Variants in MRPL3 observed in about 807,000 individuals in gnomAD.
MRPL3 encodes large ribosomal subunit protein uL3m.
In MRPL3, 43 loss-of-function variants were observed where a neutral mutation model predicts 44.3. The observed-to-expected ratio is 0.97, with a 90% CI of 0.76 to 1.25. The LOEUF (loss-of-function observed/expected upper bound fraction) is 1.25. Among genes scored for constraint, MRPL3 ranks in the 50% most tolerant of loss-of-function variants. The pLI is 0.00. For synonymous variants in MRPL3, 171 were observed against 152.3 expected (o/e 1.12, Z -0.91); for missense variants, 406 against 427.6 (o/e 0.95, Z 0.45).
intron 6 of MRPL3, among the ~76,000 whole-genome samples, chr3:131,475,133 T>C (rs957513790): frequency 6.6e-6 from 1 of 152,140 alleles, no homozygotes; most frequent in Non-Finnish European, 1.5e-5. Flanking sequence ...TTTTACTAGA[T>C]AATACATCAA....
intron 9 of MRPL3, among the ~76,000 whole-genome samples, chr3:131,465,212 T>C (rs1455619056): frequency 1.3e-5 from 2 of 152,234 alleles, no homozygotes; most frequent in East Asian, 1.9e-4. Flanking sequence ...TCAAAATGTA[T>C]TTAGACTCCC....
chr3:131,496,699 C>T lies in MRPL3; in HGVS notation c.468+1480G>A, dbSNP rs185516881. ...AATGCAACTGCCTTGCTTCTAAAGG[C>T]TCTTATCAACTCTCCCCTGATCTCT... On this transcript the variant is annotated intron_variant, in intron 4 of 9. Transcript: ENST00000264995. Among the ~76,000 whole-genome samples the T allele has an allele frequency of 5.9e-4, 90 of 152,296 alleles. No homozygotes were observed. In the South Asian group the frequency reaches 7.7e-3, roughly 13 times the overall value.
chr3:131,501,415 G>A, intron 2 of MRPL3, 116 bp downstream of exon 2: 1 of 918,838 alleles, frequency 1.1e-6, no homozygotes, highest in South Asian at 1.7e-5. Context: ...AACACACGCA[G>A]CACATGAAAA....
rs764888271 is a variant in MRPL3, at chr3:131,486,578, A to G, written c.629+1102T>C. ...AATCTACCCATCTGACACAGGGCTA[A>G]TATCCAGAATCTACAAAGAACTCAA... On this transcript the variant is annotated intron_variant, in intron 6 of 9. Coordinates refer to ENST00000264995, the MANE Select transcript of MRPL3 (RefSeq NM_007208.4). 3.3e-4 allele frequency among the ~76,000 whole-genome samples: 50 copies of G among 152,128 alleles called. 1 individual carries two copies. The highest frequency in any genetic ancestry group is 3.1e-4 in the Non-Finnish European group (21 of 67,992).
At chr3:131,498,135 C>A (rs1238906992) in intron 4 of MRPL3, 44 bp downstream of exon 4, 2 of 1,272,890 alleles carry the variant, frequency 1.6e-6, no homozygotes. Flanking sequence ...AGATTTGAAA[C>A]TGATGAAAAA....
At chr3:131,489,579 A>C (rs1934202876) in intron 5 of MRPL3, among the ~76,000 whole-genome samples, 1 of 152,110 alleles carries the variant, frequency 6.6e-6, no homozygotes, top group Non-Finnish European at 1.5e-5. Flanking sequence ...TTTAAGTAAG[A>C]ATCTTTACAT....
At chr3:131,490,113 T>A (rs765721596) in intron 4 of MRPL3, 33 bp from the exon 5 acceptor site, 4 of 1,427,790 alleles carry the variant, frequency 2.8e-6, no homozygotes, top group Non-Finnish European at 3.9e-6. Flanking sequence ...AAGTAATACA[T>A]TGAATATTAA....
rs1220829936 is a variant in MRPL3 at position 131,500,491 on chromosome 3, T to C, written c.308A>G (p.Lys103Arg). 3.1e-6 allele frequency: 5 copies of C among 1,613,902 alleles called. No individual in the cohort carries two copies. Among genetic ancestry groups the C allele is most frequent in the Non-Finnish European group, 4.2e-6 (5 of 1,179,880 alleles). Residue 103 changes from lysine to arginine, a missense_variant, in exon 3 of 10, where the codon AAG (lysine) becomes AGG (arginine). By Grantham distance (26) the Lys-to-Arg change is conservative. Transcript: ENST00000264995. ...GSFRVGLIAL[K>R]LGMMPLWTKD... ...GGTCCATAAAGGCATCATGCCCAGC[T>C]TCAAGGCAATAAGACCAACTCTAAA...
chr3:131,470,191 C>G (rs1360463989), intron 7 of MRPL3, among the ~76,000 whole-genome samples: 1 of 152,148 alleles, frequency 6.6e-6, no homozygotes, highest in Non-Finnish European at 1.5e-5. Context: ...AATGGTCCTA[C>G]TGCTCCTTGC....
intron 6 of MRPL3, chr3:131,479,152 C>T (rs747575347): frequency 5.8e-6 from 3 of 518,924 alleles, no homozygotes; most frequent in Admixed American, 3.9e-5. Flanking sequence ...TTAGAGCTGG[C>T]AGGAACTCCA....
At chr3:131,472,082 T>C (rs1933755663) in intron 6 of MRPL3, among the ~76,000 whole-genome samples, 2 of 152,310 alleles carry the variant, frequency 1.3e-5, no homozygotes, top group South Asian at 4.1e-4. Context: ...ATGGGATTTC[T>C]GAGCACAGAA....
chr3:131,479,687 T>C (rs1162829361), intron 6 of MRPL3, among the ~76,000 whole-genome samples: 1 of 151,678 alleles, frequency 6.6e-6, no homozygotes, highest in Non-Finnish European at 1.5e-5. Context: ...CTACTAAAAA[T>C]ACAAAAAAAT....
chr3:131,463,713 TTA>T (rs1933541157), intron 9 of MRPL3, among the ~76,000 whole-genome samples: 1 of 152,176 alleles, frequency 6.6e-6, no homozygotes, highest in South Asian at 2.1e-4. Context: ...AAAATTCTAA[TTA>T]TATCTGTGAA....
chr3:131,487,600 GA>G, intron 6 of MRPL3, 79 bp downstream of exon 6: 1 of 1,090,644 alleles, frequency 9.2e-7, no homozygotes, highest in African/African-American at 1.6e-5. Flanking sequence ...TGACTTGAAA[GA>G]CTGTACTTCT....
intron 6 of MRPL3, among the ~76,000 whole-genome samples, chr3:131,482,238 C>T (rs902595674): frequency 6.6e-6 from 1 of 152,038 alleles, no homozygotes; most frequent in Non-Finnish European, 1.5e-5. Flanking sequence ...TATTACTGGC[C>T]AGGCATGGTG....
intron 6 of MRPL3, among the ~76,000 whole-genome samples, chr3:131,481,936 G>A (rs1400630889): frequency 6.6e-6 from 1 of 152,090 alleles, no homozygotes; most frequent in African/African-American, 2.4e-5. Flanking sequence ...TTCTCCTTCC[G>A]GAGTTTACAA....
chr3:131,471,426 A>C lies in MRPL3; in HGVS notation c.630-147T>G, dbSNP rs1370050423. 8.2e-6 allele frequency: 5 copies of C among 609,514 alleles called. No homozygotes were observed. The East Asian group carries it at 8.3e-5, about 10-fold the overall frequency. 37.8% of individuals were successfully genotyped at this position (609,514 alleles called of 1,614,324 possible). On this transcript the variant is annotated intron_variant, in intron 6 of 9. Transcript: ENST00000264995. The stretch of plus-strand genomic sequence containing the variant: ...ATAACTAGAAAAGGCTATACAACTA[A>C]AACTGCAAATAAATATTCCTTTATC...
chr3:131,465,579 C>T (rs1307744729), intron 9 of MRPL3, among the ~76,000 whole-genome samples: 1 of 152,104 alleles, frequency 6.6e-6, no homozygotes, highest in African/African-American at 2.4e-5. Flanking sequence ...GAGGATTTGA[C>T]ATTTAAAAAT....
At chr3:131,488,995 A>G (rs1203162797) in intron 5 of MRPL3, among the ~76,000 whole-genome samples, 6 of 152,034 alleles carry the variant, frequency 3.9e-5, no homozygotes, top group Non-Finnish European at 8.8e-5. Context: ...CCCAAAAACA[A>G]TTTTGTATGA....
Sources: allele counts gnomAD v4.1 joint callset (sites outside exome capture counted in the v4.1 genomes callset), GRCh38; gene constraint gnomAD v4.1.1; transcripts MANE v1.5; gene names NCBI Gene and HGNC (gene_info 2026-07-23, HGNC 2026-07-21).